LINGO1: variants seen among roughly 807,000 people sequenced by gnomAD.
The protein encoded by LINGO1 is leucine rich repeat and Ig domain containing 1.
Under a neutral mutation model 37.3 loss-of-function variants are expected in LINGO1, and 11 were observed. That is an observed-to-expected ratio of 0.29 (90% confidence interval 0.19 to 0.49). The LOEUF (loss-of-function observed/expected upper bound fraction) is 0.49. Ranked by LOEUF, LINGO1 falls within the 20% of genes least tolerant of loss-of-function variation. The probability of loss-of-function intolerance (pLI) is 0.99; values close to 1 mark genes in which losing one functional copy is unlikely to be tolerated. For synonymous variants in LINGO1, 387 were observed against 403.0 expected (o/e 0.96, Z 0.48); for missense variants, 585 against 878.2 (o/e 0.67, Z 4.22).
intron 1 of LINGO1, among the ~76,000 whole-genome samples, chr15:77,755,867 C>T (rs546463192): frequency 2.0e-5 from 3 of 152,210 alleles, no homozygotes; most frequent in Admixed American, 6.5e-5. Context: ...TCCTTCCTCC[C>T]GCCAGCAAAG....
At chr15:77,680,675 G>A (rs1000747167) in intron 2 of LINGO1, among the ~76,000 whole-genome samples, 10 of 152,050 alleles carry the variant, frequency 6.6e-5, no homozygotes, top group African/African-American at 1.2e-4. Context: ...GCCTAAATTC[G>A]AGGGCCTGAA....
At chr15:77,757,058 A>G (rs887284943) in intron 1 of LINGO1, among the ~76,000 whole-genome samples, 2 of 152,152 alleles carry the variant, frequency 1.3e-5, no homozygotes, top group African/African-American at 4.8e-5. Context: ...GAAGGATCCC[A>G]CAGTCTTTGG....
At chr15:77,657,334 G>A (rs544420229) in intron 3 of LINGO1, among the ~76,000 whole-genome samples, 60 of 152,030 alleles carry the variant, frequency 3.9e-4, no homozygotes, top group African/African-American at 1.3e-3. Flanking sequence ...GTGGATGAGG[G>A]GCCGGGGGTG....
chr15:77,642,094 T>A (rs1002914183), intron 3 of LINGO1: 1 of 415,124 alleles, frequency 2.4e-6, no homozygotes, highest in Admixed American at 2.5e-5. Flanking sequence ...CCCTCATAAA[T>A]GGGGCGCTCC....
intron 1 of LINGO1, among the ~76,000 whole-genome samples, chr15:77,766,354 G>C (rs2076530162): frequency 6.8e-6 from 1 of 147,752 alleles, no homozygotes; most frequent in Non-Finnish European, 1.5e-5. Flanking sequence ...AAAAGAAATG[G>C]GCAATGCAGA....
intron 1 of LINGO1, among the ~76,000 whole-genome samples, chr15:77,630,779 G>C (rs539405581): frequency 6.6e-6 from 1 of 152,292 alleles, no homozygotes; most frequent in African/African-American, 2.4e-5. Flanking sequence ...CCCTGCCTTC[G>C]CTAAGCCCCT....
chr15:77,660,965 A>G (rs1372277790), intron 3 of LINGO1, among the ~76,000 whole-genome samples: 2 of 152,230 alleles, frequency 1.3e-5, no homozygotes, highest in African/African-American at 4.8e-5. Context: ...GAGACAGGAC[A>G]GGGTCAGGGG....
At chr15:77,638,204 C>A (rs1174806778), upstream of LINGO1, among the ~76,000 whole-genome samples, 1 of 152,190 alleles carries the variant, frequency 6.6e-6, no homozygotes, top group African/African-American at 2.4e-5. Flanking sequence ...GGTGGCCTGG[C>A]TGCTGTGTCT....
chr15:77,767,684 G>T (rs2076543353), intron 1 of LINGO1, among the ~76,000 whole-genome samples: 1 of 152,104 alleles, frequency 6.6e-6, no homozygotes. Flanking sequence ...TATGTTGAGA[G>T]GAGTTGTACT....
intron 3 of LINGO1, chr15:77,668,186 G>A (rs1489231775): frequency 1.3e-5 from 2 of 152,352 alleles, no homozygotes; most frequent in East Asian, 1.9e-4. Context: ...GGAGACACGT[G>A]GGGTAGCTGA....
intron 1 of LINGO1, among the ~76,000 whole-genome samples, chr15:77,776,518 A>AAGGCAGGAAGGGAGTAAGGG (rs1567577722): frequency 2.4e-4 from 12 of 49,572 alleles, no homozygotes; most frequent in African/African-American, 6.3e-4. Context: ...GGAAGGCAGG[A>AAGGCAGGAAGGGAGTAAGGG]AGGGAGGAAG....
At chr15:77,654,783 G>A (rs563049804) in intron 3 of LINGO1, among the ~76,000 whole-genome samples, 6 of 152,254 alleles carry the variant, frequency 3.9e-5, no homozygotes, top group East Asian at 1.9e-4. Flanking sequence ...TTTTCATCCC[G>A]TGTTACATGG....
rs537268635 is a variant in LINGO1 at position 77,674,622 on chromosome 15, C to A, written c.-13+2467G>T. 1.2e-3 allele frequency among the ~76,000 whole-genome samples: 180 copies of A among 152,206 alleles called. 1 individual carries two copies. Among genetic ancestry groups the A allele is most frequent in the Non-Finnish European group, 2.2e-3 (148 of 68,014 alleles). ...ACTCAGGGTCCTCAGACCTGCTGTT[C>A]CCTCTGTTTGGAAGGCGCTTCCCCC... On this transcript the variant is annotated intron_variant, in intron 3 of 3. Coordinates refer to the LINGO1 transcript ENST00000559893.
intron 1 of LINGO1, among the ~76,000 whole-genome samples, chr15:77,619,716 T>C (rs2073859342): frequency 6.8e-6 from 1 of 146,754 alleles, no homozygotes; most frequent in African/African-American, 2.6e-5. Context: ...TAAAATAAAA[T>C]AAAATAAAAT....
chr15:77,781,418 G>GTC (rs1286519906), intron 1 of LINGO1, among the ~76,000 whole-genome samples: 1 of 152,240 alleles, frequency 6.6e-6, no homozygotes, highest in Admixed American at 6.5e-5. Flanking sequence ...AATGCAGTGA[G>GTC]AAGCTCTATA....
intron 2 of LINGO1, among the ~76,000 whole-genome samples, chr15:77,730,902 T>A (rs562754458): frequency 6.6e-6 from 1 of 152,102 alleles, no homozygotes; most frequent in South Asian, 2.1e-4. Context: ...TGAGGTGCTG[T>A]CCTGGGACTG....
At chr15:77,802,583 TAAGGCCCCCTCCAGTTCCAG>T (rs2076928656) in intron 1 of LINGO1, among the ~76,000 whole-genome samples, 1 of 152,078 alleles carries the variant, frequency 6.6e-6, no homozygotes, top group African/African-American at 2.4e-5. Context: ...AGAAGGAGCA[TAAGGCCCCCTCCAGTTCCAG>T]AAGGCCCCCT....
chr15:77,669,302 C>G (rs1276103625), intron 3 of LINGO1, among the ~76,000 whole-genome samples: 1 of 152,254 alleles, frequency 6.6e-6, no homozygotes, highest in Non-Finnish European at 1.5e-5. Flanking sequence ...CAGCCCCTAG[C>G]TGAGGAAGAG....
intron 3 of LINGO1, chr15:77,641,647 G>A: frequency 2.8e-6 from 1 of 357,430 alleles, no homozygotes; most frequent in East Asian, 7.4e-5. Context: ...GATGAGGAGT[G>A]GGCGTGGTAG....
Sources: allele counts gnomAD v4.1 joint callset (sites outside exome capture counted in the v4.1 genomes callset), GRCh38; gene constraint gnomAD v4.1.1; transcripts MANE v1.5; gene names NCBI Gene and HGNC (gene_info 2026-07-23, HGNC 2026-07-21).